The following CACNA2D3 variants were observed in gnomAD, a reference collection of about 807,000 sequenced individuals.
CACNA2D3 encodes the protein voltage-dependent calcium channel subunit alpha-2/delta-3.
Under a neutral mutation model 160.6 loss-of-function variants are expected in CACNA2D3, and 60 were observed. The observed-to-expected ratio is 0.37, with a 90% CI of 0.30 to 0.46. The LOEUF (loss-of-function observed/expected upper bound fraction) is 0.46. CACNA2D3 is among the 20% of genes least tolerant of loss of function. The pLI, the probability that CACNA2D3 is intolerant of heterozygous loss-of-function variation, is 1.00. For synonymous variants in CACNA2D3, 558 were observed against 492.9 expected, an observed-to-expected ratio of 1.13 and a Z score of -1.75; for missense variants, 1,205 against 1,365.0, an observed-to-expected ratio of 0.88 and a Z score of 1.85.
chr3:54,161,668 T>A (rs1700346474), intron 2 of CACNA2D3, among the ~76,000 whole-genome samples: 1 of 152,256 alleles, frequency 6.6e-6, no homozygotes, highest in Non-Finnish European at 1.5e-5. Context: ...TTGAAATGAC[T>A]GTTGCTTTTT....
chr3:54,457,927 A>G (rs1575465755), intron 4 of CACNA2D3, among the ~76,000 whole-genome samples: 2 of 151,984 alleles, frequency 1.3e-5, no homozygotes, highest in Admixed American at 6.6e-5. Flanking sequence ...TTCTATTTGT[A>G]TGGATATCAT....
chr3:55,023,088 C>T (rs1703495701), intron 35 of CACNA2D3, among the ~76,000 whole-genome samples: 1 of 152,030 alleles, frequency 6.6e-6, no homozygotes, highest in Non-Finnish European at 1.5e-5. Flanking sequence ...TGTCTAAAAT[C>T]CCAAATTTAG....
chr3:54,138,799 C>T (rs777538484), intron 2 of CACNA2D3, among the ~76,000 whole-genome samples: 81 of 152,208 alleles, frequency 5.3e-4, no homozygotes, highest in Non-Finnish European at 9.7e-4. Flanking sequence ...GACCACCATC[C>T]CAGATGAAAA....
intron 4 of CACNA2D3, among the ~76,000 whole-genome samples, chr3:54,480,615 A>G (rs1700917409): frequency 6.6e-6 from 1 of 152,180 alleles, no homozygotes; most frequent in African/African-American, 2.4e-5. Context: ...TAATTGAAAA[A>G]TGGGCCTTTC....
chr3:55,057,206 C>T (rs552040140), intron 35 of CACNA2D3, among the ~76,000 whole-genome samples: 2 of 152,234 alleles, frequency 1.3e-5, no homozygotes, highest in East Asian at 1.9e-4. Context: ...TCCCCAGCCA[C>T]GTGGAACCGT....
At chr3:55,066,661 C>T (rs3773535) in intron 35 of CACNA2D3, among the ~76,000 whole-genome samples, 24,090 of 152,110 alleles carry the variant, frequency 0.16, 3,584 homozygotes, top group African/African-American at 0.34. Context: ...TCCAGTTCTT[C>T]CTCTGTCTGT....
At chr3:54,682,161 G>GCACACACACACACACA (rs138753206) in intron 11 of CACNA2D3, among the ~76,000 whole-genome samples, 10 of 144,668 alleles carry the variant, frequency 6.9e-5, no homozygotes, top group African/African-American at 2.6e-4. Flanking sequence ...AAACAGAACA[G>GCACACACACACACACA]CACACACACA....
chr3:54,883,282 A>C (rs2106847250), intron 21 of CACNA2D3, among the ~76,000 whole-genome samples: 1 of 152,280 alleles, frequency 6.6e-6, no homozygotes, highest in South Asian at 2.1e-4. Context: ...TCGGCCTCCG[A>C]AAGTGCTGGG....
At chr3:54,865,052 A>G (rs1699369241) in intron 17 of CACNA2D3, among the ~76,000 whole-genome samples, 1 of 152,248 alleles carries the variant, frequency 6.6e-6, no homozygotes, top group Non-Finnish European at 1.5e-5. Flanking sequence ...GAAACTGCCC[A>G]GTGGGGGAAT....
Position 54,422,025 on chromosome 3 carries a change from C to G in CACNA2D3, c.381+35251C>G, listed in dbSNP as rs2106752469. The stretch of plus-strand genomic sequence containing the variant: ...AAATATGATTAGGTCTGCCCTTGTG[C>G]TCATTATTCCATGTGGCAGAGAGGA... On this transcript the variant is annotated intron_variant, in intron 4 of 37. Transcript: ENST00000474759. 1.3e-5 allele frequency among the ~76,000 whole-genome samples: 2 copies of G among 152,218 alleles called. 1 individual carries two copies. The highest frequency in any genetic ancestry group is 6.8e-3 in the Middle Eastern group (2 of 292).
intron 11 of CACNA2D3, among the ~76,000 whole-genome samples, chr3:54,654,119 A>G (rs758781411): frequency 6.6e-6 from 1 of 152,062 alleles, no homozygotes; most frequent in Admixed American, 6.5e-5. Flanking sequence ...GTTTCAACCC[A>G]TATCCAGCTG....
chr3:54,642,173 C>A lies in CACNA2D3; in HGVS notation c.1099C>A (p.Leu367Ile). The A allele has an allele frequency of 1.9e-6, 3 of 1,613,258 alleles. No homozygotes were observed. The highest frequency in any genetic ancestry group is 2.5e-6 in the Non-Finnish European group (3 of 1,179,594). The change falls in exon 11 of 38, where the codon CTC becomes ATC. Residue 367 changes from leucine (L) to isoleucine (I), a missense_variant. By Grantham distance (5) the Leu-to-Ile change is conservative (BLOSUM62 2). Coordinates refer to ENST00000474759, the MANE Select transcript of CACNA2D3 (RefSeq NM_018398.3). ...QGSICSQAIMLITDGAVDTYD... is the reference protein window; with the variant it reads ...QGSICSQAIMIITDGAVDTYD... ...AAGTATCTGCAGTCAGGCCATCATGCTCATAACTGATGGGGCGGTGGACAC... is the reference window on the plus strand; with the variant it reads ...AAGTATCTGCAGTCAGGCCATCATGATCATAACTGATGGGGCGGTGGACAC...
At chr3:54,153,956 C>T (rs1700195763) in intron 2 of CACNA2D3, among the ~76,000 whole-genome samples, 4 of 152,148 alleles carry the variant, frequency 2.6e-5, no homozygotes, top group Non-Finnish European at 5.9e-5. Flanking sequence ...CATTCACTCC[C>T]TGAAGAATTA....
chr3:54,861,768 G>C (rs1699296128), intron 17 of CACNA2D3, among the ~76,000 whole-genome samples: 2 of 152,214 alleles, frequency 1.3e-5, no homozygotes. Flanking sequence ...GATGGGTGCT[G>C]CTTGCTTTGC....
intron 27 of CACNA2D3, among the ~76,000 whole-genome samples, chr3:54,931,326 C>A (rs1239386534): frequency 1.3e-5 from 2 of 152,320 alleles, no homozygotes; most frequent in Non-Finnish European, 2.9e-5. Context: ...ACAATGCACA[C>A]ATGGCCTGGA....
chr3:54,777,372 G>C (rs550325035), intron 13 of CACNA2D3, among the ~76,000 whole-genome samples: 26 of 152,208 alleles, frequency 1.7e-4, no homozygotes, highest in Non-Finnish European at 3.5e-4. Context: ...ACCTTACTCT[G>C]CTGGTGACAC....
chr3:54,576,591 T>G (rs994907539), intron 8 of CACNA2D3, among the ~76,000 whole-genome samples: 1 of 151,832 alleles, frequency 6.6e-6, no homozygotes, highest in Non-Finnish European at 1.5e-5. Context: ...AGTTTGGAGG[T>G]TGGTTGAATG....
At chr3:54,371,238 C>T (rs762436656) in intron 3 of CACNA2D3, among the ~76,000 whole-genome samples, 6 of 151,894 alleles carry the variant, frequency 4.0e-5, no homozygotes, top group South Asian at 2.1e-4. Context: ...ATCTAGGAGT[C>T]GAATTGCTGG....
intron 11 of CACNA2D3, among the ~76,000 whole-genome samples, chr3:54,741,827 A>G (rs1701655236): frequency 6.6e-6 from 1 of 151,664 alleles, no homozygotes; most frequent in Admixed American, 6.6e-5. Context: ...TTTTTAGGAG[A>G]GTTTTTGGAT....
Sources: allele counts gnomAD v4.1 joint callset (sites outside exome capture counted in the v4.1 genomes callset), GRCh38; gene constraint gnomAD v4.1.1; transcripts MANE v1.5; gene names NCBI Gene and HGNC (gene_info 2026-07-23, HGNC 2026-07-21).